The following SNX24 variants were observed in gnomAD, a reference collection of about 807,000 sequenced individuals.
SNX24 encodes sorting nexin 24.
Under a neutral mutation model 28.7 loss-of-function variants are expected in SNX24, and 22 were observed. The observed-to-expected ratio is 0.77, with a 90% CI of 0.55 to 1.10. The LOEUF is 1.10. Ranked by LOEUF, SNX24 falls within the 50% of genes least tolerant of loss-of-function variation. The pLI is 0.00. For missense variants in SNX24, 221 were observed against 201.1 expected (o/e 1.10, Z -0.60); for synonymous variants, 69 against 71.5 (o/e 0.96, Z 0.18).
chr5:122,870,117 T>C (rs1435265756), intron 1 of SNX24, among the ~76,000 whole-genome samples: 1 of 152,204 alleles, frequency 6.6e-6, no homozygotes, highest in Admixed American at 6.5e-5. Flanking sequence ...ATTTTGCTTG[T>C]AGTATAGAAT....
intron 1 of SNX24, among the ~76,000 whole-genome samples, chr5:122,864,261 C>T (rs1166892990): frequency 6.6e-6 from 1 of 152,080 alleles, no homozygotes; most frequent in African/African-American, 2.4e-5. Flanking sequence ...GGTTGGATTC[C>T]TGATAGCTCT....
intron 1 of SNX24, among the ~76,000 whole-genome samples, chr5:122,882,171 C>T (rs1250948910): frequency 6.6e-6 from 1 of 151,948 alleles, no homozygotes; most frequent in Admixed American, 6.6e-5. Flanking sequence ...GGCTGGTCTC[C>T]GACTCCTTGC....
At chr5:122,960,655 A>C (rs993128841) in intron 3 of SNX24, among the ~76,000 whole-genome samples, 1 of 152,154 alleles carries the variant, frequency 6.6e-6, no homozygotes, top group Non-Finnish European at 1.5e-5. Context: ...AAATCACTTC[A>C]TGAGAATTGT....
At chr5:122,953,763 A>G (rs758302989) in intron 3 of SNX24, among the ~76,000 whole-genome samples, 3 of 152,226 alleles carry the variant, frequency 2.0e-5, no homozygotes, top group Non-Finnish European at 2.9e-5. Flanking sequence ...TCACTTGAGA[A>G]TAATAGTTCT....
At chr5:122,891,698 G>T (rs1449192217) in intron 1 of SNX24, among the ~76,000 whole-genome samples, 1 of 152,140 alleles carries the variant, frequency 6.6e-6, no homozygotes, top group Non-Finnish European at 1.5e-5. Context: ...AAATTACATT[G>T]ACTCTGGTCT....
chr5:122,945,050 A>T (rs1479610167), intron 2 of SNX24, among the ~76,000 whole-genome samples: 2 of 152,182 alleles, frequency 1.3e-5, no homozygotes, highest in Non-Finnish European at 2.9e-5. Flanking sequence ...GAGGAGTCCA[A>T]AGTGGGTTTC....
chr5:122,889,665 A>G (rs552432309), intron 1 of SNX24, among the ~76,000 whole-genome samples: 17 of 144,770 alleles, frequency 1.2e-4, no homozygotes, highest in African/African-American at 2.3e-4. Context: ...ATATATGTGT[A>G]TATATATATG....
chr5:123,011,422 G>A (rs1331615760), downstream of SNX24, among the ~76,000 whole-genome samples: 2 of 152,166 alleles, frequency 1.3e-5, no homozygotes, highest in Admixed American at 6.5e-5. Context: ...AATCAGCCAT[G>A]TGAACAACCC....
chr5:122,976,977 AT>A (rs559237474), intron 3 of SNX24, among the ~76,000 whole-genome samples: 8 of 149,040 alleles, frequency 5.4e-5, no homozygotes, highest in African/African-American at 7.4e-5. Context: ...CAAAATTTGG[AT>A]TTTTTTTTTC....
At chr5:122,956,108 T>C (rs1203301949) in intron 3 of SNX24, among the ~76,000 whole-genome samples, 1 of 151,850 alleles carries the variant, frequency 6.6e-6, no homozygotes, top group Non-Finnish European at 1.5e-5. Flanking sequence ...CCTTTTCAGC[T>C]CCAAGTCTGC....
At chr5:122,903,218 C>T (rs1388609762) in intron 1 of SNX24, among the ~76,000 whole-genome samples, 1 of 152,080 alleles carries the variant, frequency 6.6e-6, no homozygotes, top group Non-Finnish European at 1.5e-5. Context: ...GAGGATCCTC[C>T]CACCTCAGCC....
chr5:122,897,960 C>T (rs1174999931), intron 1 of SNX24, among the ~76,000 whole-genome samples: 2 of 152,160 alleles, frequency 1.3e-5, no homozygotes, highest in South Asian at 2.1e-4. Context: ...TCACTTAACT[C>T]ATTTTCAGGT....
At chr5:122,851,071 T>C (rs1754896085) in intron 1 of SNX24, among the ~76,000 whole-genome samples, 1 of 152,214 alleles carries the variant, frequency 6.6e-6, no homozygotes, top group South Asian at 2.1e-4. Context: ...GTAGTTTGAA[T>C]TTTAAGATAC....
intron 1 of SNX24, among the ~76,000 whole-genome samples, chr5:122,882,872 C>G (rs1204074154): frequency 1.3e-5 from 2 of 151,698 alleles, no homozygotes; most frequent in African/African-American, 4.8e-5. Context: ...GATTTATTTT[C>G]ATATCAGACC....
At chr5:122,858,568 G>A (rs1172540616) in intron 1 of SNX24, among the ~76,000 whole-genome samples, 2 of 152,198 alleles carry the variant, frequency 1.3e-5, no homozygotes, top group African/African-American at 4.8e-5. Context: ...TTACATGCAT[G>A]TTTAATGTTA....
chr5:122,925,966 C>T (rs950012876), intron 1 of SNX24, among the ~76,000 whole-genome samples: 34 of 152,102 alleles, frequency 2.2e-4, no homozygotes, highest in Admixed American at 9.2e-4. Flanking sequence ...AACCAACCAA[C>T]AAGCAAACAT....
At chr5:122,953,274 T>G (rs1002705159) in intron 3 of SNX24, among the ~76,000 whole-genome samples, 1 of 152,076 alleles carries the variant, frequency 6.6e-6, no homozygotes, top group African/African-American at 2.4e-5. Context: ...CCTGCTAATT[T>G]TTGTATTTTT....
chr5:122,861,031 A>C (rs998039585), intron 1 of SNX24, among the ~76,000 whole-genome samples: 2 of 152,150 alleles, frequency 1.3e-5, no homozygotes, highest in African/African-American at 2.4e-5. Context: ...CCAATCTAAT[A>C]AATAAATGGA....
chr5:122,926,598 T>G (rs1341026138), intron 1 of SNX24, among the ~76,000 whole-genome samples: 3 of 152,202 alleles, frequency 2.0e-5, no homozygotes. Context: ...ATTTAACAGG[T>G]CATTATAAAG....
Sources: gnomAD v4.1 joint callset for allele counts (sites outside exome capture counted in the v4.1 genomes callset) on GRCh38, gnomAD v4.1.1 for gene constraint, MANE v1.5 for transcripts, NCBI Gene and HGNC (gene_info 2026-07-23, HGNC 2026-07-21) for gene names.